Variants in CACNA1C observed in about 807,000 individuals in gnomAD.
The protein encoded by CACNA1C is calcium voltage-gated channel subunit alpha1 C.
In CACNA1C, 30 loss-of-function variants were observed where a neutral mutation model predicts 229.0. That is an observed-to-expected ratio of 0.13 (90% CI 0.10 to 0.18). The LOEUF (loss-of-function observed/expected upper bound fraction) is 0.18, where lower values mean the gene tolerates loss of function less well. CACNA1C is among the 10% of genes least tolerant of loss of function. CACNA1C has a pLI of 1.00. For missense variants in CACNA1C, 1,658 were observed against 2,845.0 expected, an observed-to-expected ratio of 0.58 and a Z score of 9.49; for synonymous variants, 1,114 against 1,132.5, an observed-to-expected ratio of 0.98 and a Z score of 0.33.
intron 7 of CACNA1C, among the ~76,000 whole-genome samples, chr12:2,501,866 T>C (rs916707909): frequency 1.1e-4 from 17 of 152,342 alleles, no homozygotes; most frequent in African/African-American, 3.8e-4. Context: ...GCTCTTTTGC[T>C]GGATATTTTA....
At chr12:2,503,564 T>C (rs1483005485) in intron 7 of CACNA1C, among the ~76,000 whole-genome samples, 1 of 152,196 alleles carries the variant, frequency 6.6e-6, no homozygotes, top group African/African-American at 2.4e-5. Flanking sequence ...AGGGGGCTGA[T>C]TTATTGCTTG....
intron 3 of CACNA1C, among the ~76,000 whole-genome samples, chr12:2,261,136 G>A (rs1014398788): frequency 1.3e-5 from 2 of 152,020 alleles, no homozygotes; most frequent in Non-Finnish European, 2.9e-5. Context: ...GAAGGCTGAG[G>A]CAGGAGAATG....
intron 3 of CACNA1C, among the ~76,000 whole-genome samples, chr12:2,437,783 GTGATGGTGGTGGTGGGGATGGTGA>G (rs1173611548): frequency 3.3e-5 from 5 of 150,708 alleles, no homozygotes; most frequent in Non-Finnish European, 3.0e-5. Context: ...GGTAGAGGTG[GTGATGGTGGTGGTGGGGATGGTGA>G]TGATGGTGGT....
intron 9 of CACNA1C, among the ~76,000 whole-genome samples, chr12:2,524,368 G>A (rs2099815039): frequency 6.6e-6 from 1 of 152,224 alleles, no homozygotes; most frequent in Non-Finnish European, 1.5e-5. Context: ...ACAGACAGGT[G>A]ACAGTGATGA....
chr12:2,004,058 A>T, intron 1 of CACNA1C: 1 of 623,670 alleles, frequency 1.6e-6, no homozygotes, highest in East Asian at 2.9e-5. Context: ...GGTACGTTAG[A>T]GATTTAAGTC....
At chr12:2,184,357 G>GT (rs567931580) in intron 3 of CACNA1C, among the ~76,000 whole-genome samples, 52 of 152,330 alleles carry the variant, frequency 3.4e-4, no homozygotes, top group Non-Finnish European at 7.1e-4. Context: ...CCATACCCTT[G>GT]TGTTTACCAC....
At chr12:2,007,326 T>C (rs916450613) in intron 1 of CACNA1C, among the ~76,000 whole-genome samples, 1 of 152,210 alleles carries the variant, frequency 6.6e-6, no homozygotes, top group Admixed American at 6.5e-5. Flanking sequence ...GATCATGGCC[T>C]CCAAAGAACG....
intron 3 of CACNA1C, among the ~76,000 whole-genome samples, chr12:2,300,959 G>A (rs976789660): frequency 2.0e-5 from 3 of 152,216 alleles, no homozygotes; most frequent in African/African-American, 7.2e-5. Context: ...GCCCTACCTG[G>A]ATGGAAGGTG....
Position 2,097,402 on chromosome 12 carries a change from T to A in CACNA1C, c.50-17822T>A, listed in dbSNP as rs530474150. The stretch of plus-strand genomic sequence containing the variant: ...ACCTTGTGATCCGCCCGCCTCGACC[T>A]CCCAAAGTGCTGGGATTACAGATGT... On this transcript the variant is annotated intron_variant, in intron 1 of 46. Coordinates refer to ENST00000399655, the MANE Select transcript of CACNA1C (RefSeq NM_000719.7). 2.5e-3 allele frequency among the ~76,000 whole-genome samples: 381 copies of A among 152,242 alleles called. 1 individual carries two copies. The highest frequency in any genetic ancestry group is 4.1e-3 in the Non-Finnish European group (281 of 68,004).
At chr12:2,006,629 A>G (rs1291097977) in intron 1 of CACNA1C, among the ~76,000 whole-genome samples, 1 of 152,210 alleles carries the variant, frequency 6.6e-6, no homozygotes, top group African/African-American at 2.4e-5. Flanking sequence ...ATATGTTGCA[A>G]TATAATCTTT....
At chr12:2,564,486 C>T (rs763681437) in intron 11 of CACNA1C, among the ~76,000 whole-genome samples, 3 of 152,168 alleles carry the variant, frequency 2.0e-5, no homozygotes, top group Non-Finnish European at 2.9e-5. Context: ...GCCTTCATTA[C>T]CCAGGCAGGA....
At chr12:2,383,425 T>C (rs2098301707) in intron 3 of CACNA1C, among the ~76,000 whole-genome samples, 1 of 152,168 alleles carries the variant, frequency 6.6e-6, no homozygotes, top group Non-Finnish European at 1.5e-5. Context: ...GTGGCAGGAA[T>C]GTGCCCTTTG....
chr12:2,690,361 G>C (rs1269823522), intron 46 of CACNA1C, among the ~76,000 whole-genome samples: 1 of 152,152 alleles, frequency 6.6e-6, no homozygotes, highest in African/African-American at 2.4e-5. Flanking sequence ...ACAGGGTCTC[G>C]CTCTGTCACC....
At position 2,177,587 on chromosome 12, in the gene CACNA1C, C is replaced by CCCTCCCTCCTT. The variant is rs750852324; in HGVS notation, c.477+57160_477+57161insCCCTCCTTCCT. On this transcript the variant is annotated intron_variant, in intron 3 of 46. Transcript: ENST00000399655. ...TCCCTCCCTCCCTCCCTCCCTCCCTCCCTTCCTTCCTTCCTTCCTTCCTTC... is the reference window on the plus strand; with the variant it reads ...TCCCTCCCTCCCTCCCTCCCTCCCTCCCTCCCTCCTTCCTTCCTTCCTTCCTTCCTTCCTTC... 1.8e-3 allele frequency among the ~76,000 whole-genome samples: 142 copies of CCCTCCCTCCTT among 78,512 alleles called. 2 individuals carry two copies. Among genetic ancestry groups the CCCTCCCTCCTT allele is most frequent in the Admixed American group, 3.4e-3 (25 of 7,390 alleles). The allele number at this position is 78,512 out of a possible 152,430, so 51.5% of individuals were successfully genotyped here. A position where few individuals can be genotyped will look rare whatever the true frequency, so the allele number is the denominator to read the frequency against.
chr12:2,653,956 C>T lies in CACNA1C; in HGVS notation c.4140+56C>T, dbSNP rs2095267092. ...CCTCCCGCTCTGTCTCTCCCCAGTT[C>T]CCAGCACCACATTCCCTAACGCCTT... On this transcript the variant is annotated intron_variant, in intron 33 of 46. Transcript: ENST00000399655. This position sits in a 1 kb window ranked among gnomAD's most constrained non-coding sequence, Gnocchi z 4.7. 1 of 1,390,766 alleles carries T rather than the reference C, an allele frequency of 7.2e-7. No individual in the cohort carries two copies. Among genetic ancestry groups the T allele is most frequent in the Non-Finnish European group, 1.0e-6 (1 of 979,634 alleles). The allele number at this position is 1,390,766 out of a possible 1,614,324, so 86.2% of individuals were successfully genotyped here.
At chr12:2,506,028 C>T (rs1279433340) in intron 8 of CACNA1C, among the ~76,000 whole-genome samples, 1 of 152,158 alleles carries the variant, frequency 6.6e-6, no homozygotes, top group African/African-American at 2.4e-5. Flanking sequence ...CTACAGCTGC[C>T]CTAATGCAGT....
At chr12:2,002,119 C>T (rs576546443) in intron 1 of CACNA1C, among the ~76,000 whole-genome samples, 3 of 152,210 alleles carry the variant, frequency 2.0e-5, no homozygotes, top group African/African-American at 7.2e-5. Flanking sequence ...TTTCTAGACA[C>T]CTTTCCTTCC....
At chr12:2,306,921 A>G (rs957165674) in intron 3 of CACNA1C, among the ~76,000 whole-genome samples, 1 of 152,182 alleles carries the variant, frequency 6.6e-6, no homozygotes, top group Non-Finnish European at 1.5e-5. Flanking sequence ...GCAAACTAGT[A>G]GCGTCCATTG....
chr12:2,449,739 C>A (rs1009584811), intron 4 of CACNA1C, among the ~76,000 whole-genome samples: 1 of 152,218 alleles, frequency 6.6e-6, no homozygotes, highest in Non-Finnish European at 1.5e-5. Flanking sequence ...TGTAGGATAT[C>A]CCCCTGCTTA....
Sources: gnomAD v4.1 joint callset for allele counts (sites outside exome capture counted in the v4.1 genomes callset) on GRCh38, gnomAD v4.1.1 for gene constraint, Gnocchi (gnomAD v3.1) non-coding constraint, MANE v1.5 for transcripts, NCBI Gene and HGNC (gene_info 2026-07-23, HGNC 2026-07-21) for gene names.